The following MSN variants were observed in gnomAD, a reference collection of about 807,000 sequenced individuals.
MSN encodes epididymis luminal protein 70.
In MSN, 2 loss-of-function variants were observed where a neutral mutation model predicts 48.0. That is an observed-to-expected ratio of 0.04 (90% confidence interval 0.02 to 0.13). The LOEUF (loss-of-function observed/expected upper bound fraction) is 0.13, where lower values mean the gene tolerates loss of function less well. Ranked by LOEUF, MSN falls within the 10% of genes least tolerant of loss-of-function variation. The pLI, the probability that MSN is intolerant of heterozygous loss-of-function variation, is 1.00. For missense variants in MSN, 267 were observed against 470.1 expected (o/e 0.57, Z 3.99); for synonymous variants, 146 against 166.9 (o/e 0.87, Z 0.97).
chrX:65,717,576 G>C (rs1424996051), intron 2 of MSN, among the ~76,000 whole-genome samples: 1 of 112,199 alleles, frequency 8.9e-6, no homozygotes, highest in Non-Finnish European at 1.9e-5. Flanking sequence ...ATTATTGTCA[G>C]AAAGGATGTA....
intron 1 of MSN, among the ~76,000 whole-genome samples, chrX:65,700,688 T>A: frequency 8.9e-6 from 1 of 112,161 alleles, no homozygotes; most frequent in East Asian, 2.8e-4. Context: ...AAATAGCAGT[T>A]GGTTCCTTTC....
At chrX:65,623,812 CAA>C (rs756007367) in intron 1 of MSN, among the ~76,000 whole-genome samples, 8 of 81,443 alleles carry the variant, frequency 9.8e-5, no homozygotes, top group African/African-American at 2.1e-4. Context: ...AACTCCGTCT[CAA>C]AAAAAAAAAA....
intron 1 of MSN, among the ~76,000 whole-genome samples, chrX:65,669,391 G>C (rs2070908276): frequency 1.8e-5 from 2 of 111,247 alleles, no homozygotes; most frequent in South Asian, 3.8e-4. Flanking sequence ...ATTGCTCCAC[G>C]GTCTTTCTTC....
At chrX:65,688,236 C>A (rs1302216454) in intron 1 of MSN, among the ~76,000 whole-genome samples, 2 of 111,799 alleles carry the variant, frequency 1.8e-5, no homozygotes, top group African/African-American at 6.5e-5. Context: ...GAATTATTAT[C>A]TTTTTTAAAA....
chrX:65,722,140 T>C (rs1443120807), intron 2 of MSN, among the ~76,000 whole-genome samples: 2 of 111,769 alleles, frequency 1.8e-5, no homozygotes, highest in East Asian at 5.6e-4. Flanking sequence ...GAGTATGTTC[T>C]CTGTTATAGA....
At chrX:65,629,495 T>TG (rs952429932) in intron 1 of MSN, among the ~76,000 whole-genome samples, 3 of 111,901 alleles carry the variant, frequency 2.7e-5, no homozygotes, top group African/African-American at 6.5e-5. Flanking sequence ...CCCACTCTAC[T>TG]GGTATCAGTT....
chrX:65,631,219 G>A (rs1443818636), intron 1 of MSN, among the ~76,000 whole-genome samples: 1 of 109,173 alleles, frequency 9.2e-6, no homozygotes, highest in African/African-American at 3.3e-5. Context: ...CCTCAGCTTC[G>A]AGTAGCTGGG....
intron 1 of MSN, among the ~76,000 whole-genome samples, chrX:65,696,655 G>C (rs778306403): frequency 6.4e-4 from 71 of 111,363 alleles, no homozygotes; most frequent in African/African-American, 2.2e-3. Context: ...GCATTGAGGG[G>C]TGTGAAGGTT....
At chrX:65,735,490 G>A in intron 8 of MSN, 60 bp downstream of exon 8, 1 of 1,128,402 alleles carries the variant, frequency 8.9e-7, no homozygotes, top group Non-Finnish European at 1.2e-6. Flanking sequence ...TCTCAAAGGT[G>A]CCCTGCATGC....
At chrX:65,620,080 T>G (rs2148359600) in intron 1 of MSN, among the ~76,000 whole-genome samples, 1 of 112,310 alleles carries the variant, frequency 8.9e-6, no homozygotes, top group Non-Finnish European at 1.9e-5. Flanking sequence ...GATCTCCAGC[T>G]GCGTGCTGGG....
chrX:65,657,684 T>C (rs1308064277), intron 1 of MSN, among the ~76,000 whole-genome samples: 1 of 111,778 alleles, frequency 8.9e-6, no homozygotes, highest in Non-Finnish European at 1.9e-5. Context: ...CAAAACGCCT[T>C]ATCAGCCCTG....
At chrX:65,678,763 G>A (rs1398147586) in intron 1 of MSN, among the ~76,000 whole-genome samples, 1 of 111,734 alleles carries the variant, frequency 8.9e-6, no homozygotes, top group Non-Finnish European at 1.9e-5. Context: ...ACAATGGAAA[G>A]AAGAGTGAGA....
chrX:65,657,567 G>A (rs748381089), intron 1 of MSN, among the ~76,000 whole-genome samples: 1 of 111,605 alleles, frequency 9.0e-6, no homozygotes, highest in African/African-American at 3.3e-5. Flanking sequence ...GAAAGTGCTT[G>A]AAAAGCTTCC....
At chrX:65,656,303 G>A (rs1409374816) in intron 1 of MSN, among the ~76,000 whole-genome samples, 1 of 102,886 alleles carries the variant, frequency 9.7e-6, no homozygotes. Flanking sequence ...GTGTGTGTGT[G>A]TATTGTGTTT....
intron 1 of MSN, among the ~76,000 whole-genome samples, chrX:65,647,808 G>A (rs768187526): frequency 5.4e-5 from 6 of 112,057 alleles, no homozygotes; most frequent in Non-Finnish European, 7.5e-5. Flanking sequence ...ATAGGTAGGA[G>A]CCATACCATA....
intron 1 of MSN, among the ~76,000 whole-genome samples, chrX:65,612,554 G>GT (rs368563712): frequency 2.0e-5 from 2 of 101,051 alleles, no homozygotes; most frequent in Non-Finnish European, 4.0e-5. Flanking sequence ...CTTCGTAATG[G>GT]TTTTTTTTTT....
intron 1 of MSN, among the ~76,000 whole-genome samples, chrX:65,653,169 G>A (rs1381528513): frequency 9.0e-6 from 1 of 111,327 alleles, no homozygotes; most frequent in East Asian, 2.8e-4. Flanking sequence ...CTGGAGAATG[G>A]CTTCTCATCT....
intron 1 of MSN, among the ~76,000 whole-genome samples, chrX:65,627,805 G>T (rs1421013941): frequency 8.9e-6 from 1 of 112,093 alleles, no homozygotes; most frequent in African/African-American, 3.2e-5. Flanking sequence ...CTGCCTATAA[G>T]CCTGTACAAT....
chrX:65,669,318 A>T (rs2070907439), intron 1 of MSN, among the ~76,000 whole-genome samples: 1 of 110,297 alleles, frequency 9.1e-6, no homozygotes, highest in South Asian at 4.0e-4. Context: ...TCTGTGGTTG[A>T]CTCCTGACTC....
Sources: gnomAD v4.1 joint callset for allele counts (sites outside exome capture counted in the v4.1 genomes callset) on GRCh38, gnomAD v4.1.1 for gene constraint, MANE v1.5 for transcripts, NCBI Gene and HGNC (gene_info 2026-07-23, HGNC 2026-07-21) for gene names.